The following FHIT variants were observed in gnomAD, a reference collection of about 807,000 sequenced individuals.
FHIT encodes the protein fragile histidine triad diadenosine triphosphatase, also known as bis(5'-adenosyl)-triphosphatase.
FHIT carries 19 observed loss-of-function variants against 17.9 expected under a neutral mutation model. The ratio of observed to expected loss-of-function variants is 1.06; its 90% CI spans 0.74 to 1.56. The LOEUF is 1.56. FHIT is among the 40% of genes most tolerant of loss of function. The pLI, the probability that FHIT is intolerant of heterozygous loss-of-function variation, is 0.00. For synonymous variants in FHIT, 81 were observed against 69.7 expected (o/e 1.16, Z -0.81); for missense variants, 248 against 189.2 (o/e 1.31, Z -1.82).
intron 3 of FHIT, among the ~76,000 whole-genome samples, chr3:60,924,532 G>C (rs1185947815): frequency 2.0e-5 from 3 of 152,068 alleles, no homozygotes; most frequent in Admixed American, 2.0e-4. Flanking sequence ...AAACAGAAAG[G>C]ACATCCACAC....
intron 5 of FHIT, among the ~76,000 whole-genome samples, chr3:60,331,014 C>A (rs1038994632): frequency 6.6e-6 from 1 of 152,206 alleles, no homozygotes; most frequent in Admixed American, 6.5e-5. Flanking sequence ...TTTCAAGATT[C>A]TTCCAAGGCT....
Position 60,457,611 on chromosome 3 carries a change from C to T in FHIT, c.103+79249G>A, listed in dbSNP as rs913426659. ...CCAATTAAACTAAAGAGCTTCTGCA[C>T]AGCAAAAGAATCTACCATCAGAGTG... On this transcript the variant is annotated intron_variant, in intron 5 of 9. Coordinates refer to ENST00000492590, the MANE Select transcript of FHIT (RefSeq NM_002012.4). Among the ~76,000 whole-genome samples the T allele has an allele frequency of 5.9e-5, 9 of 152,034 alleles. 1 individual carries two copies. Among genetic ancestry groups the T allele is most frequent in the Non-Finnish European group, 1.2e-4 (8 of 68,014 alleles).
At chr3:61,066,065 A>G (rs114067826) in intron 2 of FHIT, among the ~76,000 whole-genome samples, 189 of 152,334 alleles carry the variant, frequency 1.2e-3, no homozygotes, top group African/African-American at 4.4e-3. Context: ...TTACACATGT[A>G]ATAAGGCACC....
At chr3:60,526,476 G>A (rs190149181) in intron 5 of FHIT, among the ~76,000 whole-genome samples, 9 of 152,164 alleles carry the variant, frequency 5.9e-5, no homozygotes, top group Admixed American at 3.9e-4. Context: ...CAGGAACCGG[G>A]GGACCTGCTG....
At position 60,066,630 on chromosome 3, in the gene FHIT, A is replaced by ATTTTTTTTTTTTT. The variant is rs71089574; in HGVS notation, c.104-52491_104-52479dup. Among the ~76,000 whole-genome samples the ATTTTTTTTTTTTT allele has an allele frequency of 8.0e-4, 41 of 51,420 alleles. 5 individuals are homozygous for ATTTTTTTTTTTTT. The highest frequency in any genetic ancestry group is 3.0e-3 in the East Asian group (4 of 1,342). 33.7% of individuals were successfully genotyped at this position (51,420 alleles called of 152,430 possible). ...ATAGGTTGATTTTAATCCCTGACAA[A>ATTTTTTTTTTTTT]TTTTTTTTTTTTTTTTTTTTTTTTT... On this transcript the variant is annotated intron_variant, in intron 5 of 9. Coordinates refer to ENST00000492590, the MANE Select transcript of FHIT (RefSeq NM_002012.4).
intron 2 of FHIT, among the ~76,000 whole-genome samples, chr3:61,093,538 C>CA (rs1408936877): frequency 6.6e-6 from 1 of 152,022 alleles, no homozygotes; most frequent in Non-Finnish European, 1.5e-5. Context: ...AAAGAGAAAG[C>CA]AATGTGATGT....
At chr3:59,881,059 C>A (rs1703389794) in intron 8 of FHIT, among the ~76,000 whole-genome samples, 1 of 152,144 alleles carries the variant, frequency 6.6e-6, no homozygotes, top group African/African-American at 2.4e-5. Context: ...TTCCCTAAAG[C>A]AACAAACATG....
intron 4 of FHIT, among the ~76,000 whole-genome samples, chr3:60,570,336 C>A (rs1011504056): frequency 5.7e-4 from 86 of 152,202 alleles, no homozygotes; most frequent in African/African-American, 2.0e-3. Flanking sequence ...TACACTGCAA[C>A]TTTTATAATC....
rs138747732 is a variant in FHIT at position 61,031,322 on chromosome 3, C to G, written c.-111+10725G>C. Among the ~76,000 whole-genome samples the G allele has an allele frequency of 4.0e-3, 611 of 152,254 alleles. 4 individuals carry two copies. Among genetic ancestry groups the G allele is most frequent in the Non-Finnish European group, 6.1e-3 (418 of 68,020 alleles). ...CTATGAATATGCAGAGTCACAAGGT[C>G]TTACAGGTTACCACCCAGAACCAGT... On this transcript the variant is annotated intron_variant, in intron 3 of 9. Transcript: ENST00000492590.
chr3:60,923,914 C>A (rs1421252785), intron 3 of FHIT, among the ~76,000 whole-genome samples: 2 of 152,202 alleles, frequency 1.3e-5, no homozygotes, highest in Non-Finnish European at 2.9e-5. Context: ...AGATTATATC[C>A]TGCACCTGGC....
At chr3:60,518,867 G>T (rs958889555) in intron 5 of FHIT, among the ~76,000 whole-genome samples, 7 of 152,220 alleles carry the variant, frequency 4.6e-5, no homozygotes, top group African/African-American at 1.7e-4. Context: ...AAATTAGCTG[G>T]GCATGGTGGC....
chr3:61,135,319 T>C (rs2036883950), intron 2 of FHIT, among the ~76,000 whole-genome samples: 1 of 152,234 alleles, frequency 6.6e-6, no homozygotes, highest in Non-Finnish European at 1.5e-5. Context: ...GTTAAGATCA[T>C]AGAGAAGGCG....
At chr3:60,710,092 A>G (rs1439345114) in intron 4 of FHIT, among the ~76,000 whole-genome samples, 1 of 152,002 alleles carries the variant, frequency 6.6e-6, no homozygotes, top group Non-Finnish European at 1.5e-5. Context: ...AAAAAAAAAA[A>G]AAACTCAACA....
chr3:60,099,150 T>A (rs970462240), intron 5 of FHIT, among the ~76,000 whole-genome samples: 10 of 152,148 alleles, frequency 6.6e-5, no homozygotes, highest in Non-Finnish European at 7.3e-5. Flanking sequence ...TGCCTGAACA[T>A]ACCCCATACT....
At chr3:59,773,259 G>T (rs1198076046) in intron 8 of FHIT, among the ~76,000 whole-genome samples, 1 of 152,162 alleles carries the variant, frequency 6.6e-6, no homozygotes, top group Non-Finnish European at 1.5e-5. Context: ...AGCCCCGGTG[G>T]GTGACCCGGA....
intron 1 of FHIT, among the ~76,000 whole-genome samples, chr3:61,225,351 G>C (rs1358270591): frequency 6.6e-6 from 1 of 152,122 alleles, no homozygotes; most frequent in East Asian, 1.9e-4. Context: ...TTTTTTGAAA[G>C]TTGGGAAGAA....
At chr3:61,199,045 GC>G (rs551436461) in intron 2 of FHIT, among the ~76,000 whole-genome samples, 91 of 152,166 alleles carry the variant, frequency 6.0e-4, no homozygotes, top group African/African-American at 2.1e-3. Context: ...CCTACATGAA[GC>G]CAAAAACAGT....
intron 4 of FHIT, among the ~76,000 whole-genome samples, chr3:60,592,715 G>C (rs1553664836): frequency 6.6e-6 from 1 of 152,112 alleles, no homozygotes; most frequent in East Asian, 1.9e-4. Context: ...TAGAAACAAG[G>C]AAGGTTAGAA....
intron 5 of FHIT, among the ~76,000 whole-genome samples, chr3:60,362,741 C>T (rs1280013498): frequency 6.6e-6 from 1 of 152,166 alleles, no homozygotes; most frequent in African/African-American, 2.4e-5. Flanking sequence ...TCATTTTCTT[C>T]ATCAATAAAA....
Sources: gnomAD v4.1 joint callset for allele counts (sites outside exome capture counted in the v4.1 genomes callset) on GRCh38, gnomAD v4.1.1 for gene constraint, MANE v1.5 for transcripts, NCBI Gene and HGNC (gene_info 2026-07-23, HGNC 2026-07-21) for gene names.